Variants in LRRIQ1 observed in about 807,000 individuals in gnomAD.
LRRIQ1 encodes the protein leucine-rich repeat- and IQ domain-containing protein 1.
LRRIQ1 carries 210 observed loss-of-function variants against 211.9 expected under a neutral mutation model. The ratio of observed to expected loss-of-function variants is 0.99; its 90% CI spans 0.89 to 1.11. LRRIQ1 has a LOEUF of 1.11. Among genes scored for constraint, LRRIQ1 ranks in the 50% most tolerant of loss-of-function variants. The pLI, the probability that LRRIQ1 is intolerant of heterozygous loss-of-function variation, is 0.00. For missense variants in LRRIQ1, 2,136 were observed against 1,939.5 expected (o/e 1.10, Z -1.90); for synonymous variants, 699 against 650.1 (o/e 1.08, Z -1.14).
chr12:85,166,052 G>A (rs1448862074), intron 24 of LRRIQ1, among the ~76,000 whole-genome samples: 1 of 152,034 alleles, frequency 6.6e-6, no homozygotes, highest in Non-Finnish European at 1.5e-5. Flanking sequence ...TCAGATATAT[G>A]AGAACCTCCC....
the LRRIQ1 span, among the ~76,000 whole-genome samples, chr12:85,270,644 T>C: frequency 2.6e-5 from 4 of 152,132 alleles, no homozygotes; most frequent in African/African-American, 9.7e-5. Context: ...CCATAATCCT[T>C]AGTAAATGAT....
intron 21 of LRRIQ1, 48 bp from the exon 22 acceptor site, chr12:85,153,615 G>T (rs767682938): frequency 3.4e-6 from 4 of 1,180,772 alleles, no homozygotes; most frequent in Admixed American, 2.5e-5. Context: ...AAAAAGTGCT[G>T]ATATACTTGT....
chr12:85,139,999 A>G (rs1457751456), intron 19 of LRRIQ1, among the ~76,000 whole-genome samples: 8 of 141,372 alleles, frequency 5.7e-5, no homozygotes, highest in Non-Finnish European at 1.1e-4. Flanking sequence ...TATTCTCAGG[A>G]AAAAAAACTG....
At chr12:85,170,859 T>C (rs1891382429) in intron 24 of LRRIQ1, among the ~76,000 whole-genome samples, 1 of 152,084 alleles carries the variant, frequency 6.6e-6, no homozygotes, top group South Asian at 2.1e-4. Flanking sequence ...AAATTTTTGA[T>C]GTTACTTGCC....
chr12:85,067,341 A>G (rs984330624), intron 10 of LRRIQ1, among the ~76,000 whole-genome samples: 4 of 151,882 alleles, frequency 2.6e-5, no homozygotes, highest in African/African-American at 9.7e-5. Context: ...TGCTAAAACC[A>G]CATGAAAGAT....
intron 11 of LRRIQ1, among the ~76,000 whole-genome samples, chr12:85,074,913 G>A (rs894399772): frequency 6.6e-6 from 1 of 151,968 alleles, no homozygotes; most frequent in East Asian, 1.9e-4. Flanking sequence ...TTAAAATCTA[G>A]TTGTCTTTAT....
intron 10 of LRRIQ1, among the ~76,000 whole-genome samples, chr12:85,071,811 C>T (rs533081862): frequency 4.6e-5 from 7 of 152,098 alleles, no homozygotes; most frequent in African/African-American, 1.7e-4. Flanking sequence ...ACCATCAGAT[C>T]TTGTGAGACT....
chr12:85,139,693 G>A (rs1034790888), intron 19 of LRRIQ1, among the ~76,000 whole-genome samples: 1 of 151,320 alleles, frequency 6.6e-6, no homozygotes, highest in African/African-American at 2.4e-5. Context: ...GAAGATGAAG[G>A]TGTTGTAGAG....
chr12:85,127,166 T>G (rs374267725), intron 17 of LRRIQ1, among the ~76,000 whole-genome samples: 1 of 152,202 alleles, frequency 6.6e-6, no homozygotes, highest in Admixed American at 6.5e-5. Context: ...CAATCCACTT[T>G]TATAATCAAT....
intron 24 of LRRIQ1, chr12:85,162,683 AAGTGGCCTAT>A: frequency 2.3e-6 from 1 of 437,878 alleles, no homozygotes; most frequent in Non-Finnish European, 4.5e-6. Flanking sequence ...GATAAATTCA[AAGTGGCCTAT>A]AGAATATAAA....
rs145602627 is a variant in LRRIQ1, at chr12:85,221,530, C to G, written c.4823-7987C>G. On this transcript the variant is annotated intron_variant, in intron 24 of 26. Coordinates refer to ENST00000393217, the MANE Select transcript of LRRIQ1 (RefSeq NM_001079910.2). ...ATACAGTTCTTTGGAATGAGTATAC[C>G]TAACCTAATTTAAATAAGGAATGCA... is the stretch of plus-strand genomic sequence containing the variant. 4.1e-3 allele frequency among the ~76,000 whole-genome samples: 620 copies of G among 152,136 alleles called. 2 individuals carry two copies. The highest frequency in any genetic ancestry group is 0.014 in the African/African-American group (590 of 41,498).
chr12:85,118,736 A>G (rs1887764284), intron 15 of LRRIQ1, among the ~76,000 whole-genome samples: 1 of 152,114 alleles, frequency 6.6e-6, no homozygotes, highest in African/African-American at 2.4e-5. Flanking sequence ...TTCATCTCAG[A>G]CTATACAATC....
At chr12:85,229,247 A>C (rs1894815795) in intron 24 of LRRIQ1, among the ~76,000 whole-genome samples, 1 of 152,190 alleles carries the variant, frequency 6.6e-6, no homozygotes, top group South Asian at 2.1e-4. Context: ...TGATTTTTCT[A>C]ATTAAAAACT....
chr12:85,126,694 G>A (rs1279313245), intron 17 of LRRIQ1, among the ~76,000 whole-genome samples: 3 of 152,102 alleles, frequency 2.0e-5, no homozygotes, highest in Non-Finnish European at 4.4e-5. Flanking sequence ...ACAGATTGGA[G>A]CCTTCTACTG....
At chr12:85,206,218 G>T (rs1893538001) in intron 24 of LRRIQ1, among the ~76,000 whole-genome samples, 1 of 152,212 alleles carries the variant, frequency 6.6e-6, no homozygotes, top group African/African-American at 2.4e-5. Flanking sequence ...TGCAGAGGGG[G>T]ACTACTGGGG....
chr12:85,047,510 A>G (rs760975501), intron 6 of LRRIQ1, 40 bp downstream of exon 6: 3 of 1,503,016 alleles, frequency 2.0e-6, no homozygotes, highest in South Asian at 2.3e-5. Context: ...TAAAATCAGT[A>G]GCTACCTCTG....
chr12:85,059,451 C>G (rs1290710550), intron 8 of LRRIQ1, among the ~76,000 whole-genome samples: 2 of 151,992 alleles, frequency 1.3e-5, no homozygotes, highest in Non-Finnish European at 2.9e-5. Context: ...CCCTCATGAT[C>G]ATGTGACTGA....
chr12:85,059,918 TTAGA>T (rs1881589614), intron 8 of LRRIQ1, among the ~76,000 whole-genome samples: 1 of 151,994 alleles, frequency 6.6e-6, no homozygotes, highest in Non-Finnish European at 1.5e-5. Context: ...GTTTCACAGT[TTAGA>T]TAAAGTATAT....
At chr12:85,090,481 C>T (rs1885271618) in intron 11 of LRRIQ1, among the ~76,000 whole-genome samples, 1 of 152,214 alleles carries the variant, frequency 6.6e-6, no homozygotes, top group South Asian at 2.1e-4. Context: ...GGTAAAGCTA[C>T]AGCAGTGGAG....
Sources: allele counts gnomAD v4.1 joint callset (sites outside exome capture counted in the v4.1 genomes callset), GRCh38; gene constraint gnomAD v4.1.1; transcripts MANE v1.5; gene names NCBI Gene and HGNC (gene_info 2026-07-23, HGNC 2026-07-21).